Variants in VRK2 observed in about 807,000 individuals in gnomAD.
VRK2 encodes serine/threonine-protein kinase VRK2.
A neutral mutation model predicts 57.6 loss-of-function variants in VRK2; 60 were observed. The ratio of observed to expected loss-of-function variants is 1.04; its 90% CI spans 0.85 to 1.29. The LOEUF is 1.29. Among genes scored for constraint, VRK2 ranks in the 50% most tolerant of loss-of-function variants. The pLI is 0.00. For synonymous variants in VRK2, 231 were observed against 199.2 expected, an observed-to-expected ratio of 1.16 and a Z score of -1.35; for missense variants, 705 against 588.1, an observed-to-expected ratio of 1.20 and a Z score of -2.06.
chr2:57,942,669 C>T (rs1671137473), intron 1 of VRK2, among the ~76,000 whole-genome samples: 1 of 152,066 alleles, frequency 6.6e-6, no homozygotes. Context: ...CCTTGCAGGG[C>T]CATGTTCGAT....
chr2:57,934,474 C>T (rs927966316), intron 1 of VRK2, among the ~76,000 whole-genome samples: 5 of 152,158 alleles, frequency 3.3e-5, no homozygotes, highest in Middle Eastern at 3.2e-3. Flanking sequence ...ACGTAACTAG[C>T]CTGTTTTGTT....
intron 1 of VRK2, among the ~76,000 whole-genome samples, chr2:57,943,459 C>A (rs182134921): frequency 5.3e-5 from 8 of 152,248 alleles, no homozygotes; most frequent in African/African-American, 1.9e-4. Flanking sequence ...TCTCTTGAGG[C>A]CCTAGAAAGG....
rs563244878 is a variant in VRK2, at chr2:57,968,977, A to T, written c.-438-56688A>T. Among the ~76,000 whole-genome samples the T allele has an allele frequency of 2.8e-4, 42 of 152,262 alleles. 1 individual carries two copies. The highest frequency in any genetic ancestry group is 9.4e-4 in the African/African-American group (39 of 41,586). On this transcript the variant is annotated intron_variant, in intron 1 of 15. Coordinates refer to the VRK2 transcript ENST00000417641. ...TCTCTCTTAAAATAAAGATGTCAAT[A>T]TAATTGTGCTTACCTCAGGCAAGCC... is the stretch of plus-strand genomic sequence containing the variant.
chr2:58,062,337 G>A (rs1273986159), intron 2 of VRK2, among the ~76,000 whole-genome samples: 1 of 151,922 alleles, frequency 6.6e-6, no homozygotes. Flanking sequence ...CTGTGATACA[G>A]CAATTTTGAA....
chr2:58,128,714 T>C (rs894543600), intron 8 of VRK2, among the ~76,000 whole-genome samples: 2 of 152,178 alleles, frequency 1.3e-5, no homozygotes, highest in Admixed American at 6.5e-5. Flanking sequence ...ATTTTTGCTC[T>C]GTGATATTGA....
At chr2:58,090,896 A>G (rs72951048) in intron 7 of VRK2, among the ~76,000 whole-genome samples, 9,426 of 152,250 alleles carry the variant, frequency 0.062, 984 homozygotes, top group African/African-American at 0.21. Context: ...CTTTTCAGCC[A>G]TGAAAAAACA....
intron 1 of VRK2, among the ~76,000 whole-genome samples, chr2:57,972,472 T>A (rs939765479): frequency 6.6e-6 from 1 of 151,864 alleles, no homozygotes; most frequent in African/African-American, 2.4e-5. Context: ...AACAGTTTAT[T>A]TTTTTCTGCA....
At chr2:58,136,595 G>A (rs1359531009) in intron 10 of VRK2, among the ~76,000 whole-genome samples, 1 of 151,590 alleles carries the variant, frequency 6.6e-6, no homozygotes, top group African/African-American at 2.4e-5. Flanking sequence ...ATATTGGCCA[G>A]GCCTGGTCTC....
chr2:58,026,259 T>A (rs1673921051), intron 2 of VRK2, among the ~76,000 whole-genome samples: 2 of 152,000 alleles, frequency 1.3e-5, no homozygotes, highest in African/African-American at 4.8e-5. Flanking sequence ...GAACAAGTGT[T>A]GCCAGTGAGA....
chr2:58,023,768 G>A (rs1000309144), intron 1 of VRK2, among the ~76,000 whole-genome samples: 1 of 152,026 alleles, frequency 6.6e-6, no homozygotes, highest in African/African-American at 2.4e-5. Flanking sequence ...TTTAAGATAT[G>A]TATGAAAAAA....
At chr2:58,093,322 C>T (rs1244737034) in intron 7 of VRK2, among the ~76,000 whole-genome samples, 76 of 152,150 alleles carry the variant, frequency 5.0e-4, no homozygotes, top group Non-Finnish European at 9.4e-4. Flanking sequence ...CTCTCCAGCG[C>T]CTGTTGTTTC....
chr2:57,921,922 C>T (rs958252140), intron 1 of VRK2, among the ~76,000 whole-genome samples: 2 of 152,140 alleles, frequency 1.3e-5, no homozygotes, highest in Non-Finnish European at 2.9e-5. Context: ...CATTTGCCAT[C>T]TGCTGATCCA....
At chr2:58,113,996 G>C (rs1261955968) in intron 7 of VRK2, among the ~76,000 whole-genome samples, 1 of 152,180 alleles carries the variant, frequency 6.6e-6, no homozygotes, top group African/African-American at 2.4e-5. Flanking sequence ...ATTAGGGGCA[G>C]TGTGGGAACC....
intron 2 of VRK2, among the ~76,000 whole-genome samples, chr2:58,031,760 T>C (rs897367922): frequency 6.6e-6 from 1 of 152,116 alleles, no homozygotes; most frequent in Non-Finnish European, 1.5e-5. Context: ...TGCTTTTTCA[T>C]GTGCTATCTC....
At chr2:57,973,343 A>C (rs1158855135) in intron 1 of VRK2, among the ~76,000 whole-genome samples, 1 of 151,952 alleles carries the variant, frequency 6.6e-6, no homozygotes, top group African/African-American at 2.4e-5. Context: ...ATCTCTTATT[A>C]ACAAGTAAAT....
chr2:57,913,280 G>C (rs920849479), intron 1 of VRK2, among the ~76,000 whole-genome samples: 2 of 152,134 alleles, frequency 1.3e-5, no homozygotes, highest in Non-Finnish European at 2.9e-5. Context: ...GAGTTTTAAA[G>C]ACTTACCTAG....
chr2:57,923,388 TTTG>T (rs1172896658), intron 1 of VRK2, among the ~76,000 whole-genome samples: 4 of 152,062 alleles, frequency 2.6e-5, no homozygotes, highest in African/African-American at 7.2e-5. Flanking sequence ...CTCACCAGTA[TTTG>T]TTATTTCCTG....
chr2:58,037,545 A>G (rs932904707), intron 3 of VRK2, among the ~76,000 whole-genome samples: 2 of 152,130 alleles, frequency 1.3e-5, no homozygotes, highest in Non-Finnish European at 2.9e-5. Context: ...TTTGTGGAAG[A>G]CACAGAAACA....
chr2:58,003,127 A>G (rs1558535242), intron 1 of VRK2, among the ~76,000 whole-genome samples: 1 of 152,228 alleles, frequency 6.6e-6, no homozygotes, highest in African/African-American at 2.4e-5. Context: ...CATATACATA[A>G]ACTAAGCTTT....
Sources: gnomAD v4.1 joint callset for allele counts (sites outside exome capture counted in the v4.1 genomes callset) on GRCh38, gnomAD v4.1.1 for gene constraint, MANE v1.5 for transcripts, NCBI Gene and HGNC (gene_info 2026-07-23, HGNC 2026-07-21) for gene names.